The following CREBL2 variants were observed in gnomAD, a reference collection of about 807,000 sequenced individuals.
CREBL2 encodes cAMP-responsive element-binding protein-like 2.
In CREBL2, 4 loss-of-function variants were observed where a neutral mutation model predicts 19.5. That is an observed-to-expected ratio of 0.20 (90% CI 0.10 to 0.47). The LOEUF is 0.47. Among genes scored for constraint, CREBL2 ranks in the 20% least tolerant of loss-of-function variants. CREBL2 has a pLI of 0.98. For missense variants in CREBL2, 85 were observed against 145.1 expected (o/e 0.59, Z 2.13); for synonymous variants, 42 against 46.6 (o/e 0.90, Z 0.40).
intron 3 of CREBL2, among the ~76,000 whole-genome samples, chr12:12,639,119 A>G (rs1410022620): frequency 6.6e-6 from 1 of 152,154 alleles, no homozygotes; most frequent in East Asian, 1.9e-4. Context: ...AATGTTTTCG[A>G]GGTTCATCCA....
intron 1 of CREBL2, among the ~76,000 whole-genome samples, chr12:12,624,039 C>T (rs4763858): frequency 0.31 from 46,685 of 152,010 alleles, 7,507 homozygotes; most frequent in East Asian, 0.41. Context: ...ACCAGACTGC[C>T]CCAGTCTGGA....
At chr12:12,637,337 A>G (rs1229260152) in intron 2 of CREBL2, among the ~76,000 whole-genome samples, 1 of 152,052 alleles carries the variant, frequency 6.6e-6, no homozygotes, top group Non-Finnish European at 1.5e-5. Flanking sequence ...CATCAAAGAC[A>G]ATTCAGCAGC....
chr12:12,637,412 A>T (rs1246209264), intron 2 of CREBL2, among the ~76,000 whole-genome samples, 158 bp from the exon 3 acceptor site: 2 of 152,090 alleles, frequency 1.3e-5, no homozygotes, highest in African/African-American at 4.8e-5. Context: ...AATAGGTAAT[A>T]CCATGGAGGG....
At chr12:12,618,713 C>A (rs1055131411) in intron 1 of CREBL2, among the ~76,000 whole-genome samples, 1 of 152,168 alleles carries the variant, frequency 6.6e-6, no homozygotes, top group East Asian at 1.9e-4. Context: ...GAGCCGAGAT[C>A]GCGCCACTGC....
At position 12,612,033 on chromosome 12, in the gene CREBL2, G is replaced by A; in HGVS notation, c.-140G>A. On this transcript the variant is annotated 5_prime_UTR_variant, in exon 1 of 4. Transcript: ENST00000228865. ...CTCGTCCCCGTGACTCTGGCATCAG[G>A]GAAGCGAACTGTTAGGCGAGAGGAG... The A allele has an allele frequency of 2.0e-6, 2 of 1,017,990 alleles. No homozygotes were observed. The highest frequency in any genetic ancestry group is 1.4e-5 in the South Asian group (1 of 71,410). The allele number at this position is 1,017,990 out of a possible 1,614,324, so 63.1% of individuals were successfully genotyped here. A position where few individuals can be genotyped will look rare whatever the true frequency, so the allele number is the denominator to read the frequency against.
chr12:12,637,297 G>A (rs1328538555), intron 2 of CREBL2, among the ~76,000 whole-genome samples: 2 of 151,888 alleles, frequency 1.3e-5, no homozygotes, highest in Admixed American at 1.3e-4. Flanking sequence ...TAACCACAGG[G>A]GCCTTTTAAA....
chr12:12,634,116 A>G (rs1945458571), intron 1 of CREBL2, among the ~76,000 whole-genome samples: 1 of 152,228 alleles, frequency 6.6e-6, no homozygotes, highest in Admixed American at 6.5e-5. Context: ...ACTTATAAAA[A>G]CAGGCTCCAA....
At chr12:12,621,103 G>C (rs1224022900) in intron 1 of CREBL2, among the ~76,000 whole-genome samples, 1 of 152,228 alleles carries the variant, frequency 6.6e-6, no homozygotes, top group Admixed American at 6.5e-5. Flanking sequence ...CAGACTTTCT[G>C]TAAAGGGCCA....
Position 12,612,181 on chromosome 12 carries a change from C to T in CREBL2, c.9C>T (p.Asp3=). The change falls in exon 1 of 4, where the codon GAC becomes GAT. Residue 3 remains aspartate (D), a synonymous_variant. Coordinates refer to ENST00000228865, the MANE Select transcript of CREBL2 (RefSeq NM_001310.4). The part of the protein sequence containing the change: MD[D]SKVVGGKVKK... ...CCGGCCTGTCTGCCGCGATGGATGA[C>T]AGTAAGGTAAGTCTTGTGGTTTGCA... The T allele has an allele frequency of 2.5e-6, 4 of 1,613,500 alleles. No individual in the cohort carries two copies. The highest frequency in any genetic ancestry group is 3.4e-6 in the Non-Finnish European group (4 of 1,180,030).
At chr12:12,630,916 GTTAT>G (rs1432558525) in intron 1 of CREBL2, among the ~76,000 whole-genome samples, 1 of 151,988 alleles carries the variant, frequency 6.6e-6, no homozygotes, top group African/African-American at 2.4e-5. Flanking sequence ...TGACACATTG[GTTAT>G]TTAAGAATGT....
chr12:12,639,480 A>G (rs1306208743), intron 3 of CREBL2, among the ~76,000 whole-genome samples: 1 of 152,196 alleles, frequency 6.6e-6, no homozygotes, highest in African/African-American at 2.4e-5. Flanking sequence ...TTTTAAAACT[A>G]TAGCCATCCT....
intron 1 of CREBL2, among the ~76,000 whole-genome samples, chr12:12,630,104 T>C (rs778507679): frequency 2.0e-5 from 3 of 152,152 alleles, no homozygotes; most frequent in Non-Finnish European, 4.4e-5. Flanking sequence ...CAAGTACATA[T>C]TGGCCTCGTG....
intron 3 of CREBL2, among the ~76,000 whole-genome samples, chr12:12,641,253 A>ATTTTTTTTTTTTTTTTTTTT (rs142404101): frequency 2.4e-4 from 19 of 78,244 alleles, no homozygotes; most frequent in South Asian, 4.6e-4. Context: ...TATTATTATT[A>ATTTTTTTTTTTTTTTTTTTT]TTTTTTTTTA....
At chr12:12,622,115 A>C (rs569207177) in intron 1 of CREBL2, among the ~76,000 whole-genome samples, 1 of 152,342 alleles carries the variant, frequency 6.6e-6, no homozygotes, top group African/African-American at 2.4e-5. Flanking sequence ...GGGTGTGTTA[A>C]TAAGGACCTT....
intron 1 of CREBL2, among the ~76,000 whole-genome samples, chr12:12,619,084 GGAGGGA>G (rs1009524385): frequency 4.6e-5 from 7 of 152,116 alleles, no homozygotes; most frequent in African/African-American, 9.6e-5. Context: ...AGGAGGGAGA[GGAGGGA>G]GAGGGAGAGG....
intron 1 of CREBL2, among the ~76,000 whole-genome samples, chr12:12,620,886 A>G (rs919627545): frequency 2.0e-5 from 3 of 152,216 alleles, no homozygotes; most frequent in Non-Finnish European, 4.4e-5. Context: ...ACAGTGAGGT[A>G]GAAAATGAGG....
intron 1 of CREBL2, among the ~76,000 whole-genome samples, chr12:12,616,725 A>G (rs1011653894): frequency 5.3e-5 from 8 of 152,208 alleles, no homozygotes; most frequent in Non-Finnish European, 1.2e-4. Flanking sequence ...CTCCTAGTAT[A>G]TACAGACATA....
rs557932465 is a variant in CREBL2, at chr12:12,640,823, A to G, written c.359-1171A>G. Among the ~76,000 whole-genome samples, 10 of 152,200 alleles carry G rather than the reference A, an allele frequency of 6.6e-5. No homozygotes were observed. In the East Asian group the frequency reaches 1.4e-3, roughly 21 times the overall value. ...TTGCAGATATTTTCTCCCCTTCTCTAGGCTTCTTTTCACTTTGTTGATAGT... is the reference window on the plus strand; with the variant it reads ...TTGCAGATATTTTCTCCCCTTCTCTGGGCTTCTTTTCACTTTGTTGATAGT... On this transcript the variant is annotated intron_variant, in intron 3 of 3. Coordinates refer to ENST00000228865, the MANE Select transcript of CREBL2 (RefSeq NM_001310.4).
chr12:12,637,425 G>A (rs961032980), intron 2 of CREBL2, 145 bp from the exon 3 acceptor site: 3 of 352,750 alleles, frequency 8.5e-6, no homozygotes, highest in African/African-American at 2.2e-5. Context: ...ATGGAGGGTG[G>A]GATTCCCAGC....
Sources: allele counts gnomAD v4.1 joint callset (sites outside exome capture counted in the v4.1 genomes callset), GRCh38; gene constraint gnomAD v4.1.1; transcripts MANE v1.5; gene names NCBI Gene and HGNC (gene_info 2026-07-23, HGNC 2026-07-21).